The following STS variants were observed in gnomAD, a reference collection of about 807,000 sequenced individuals.
STS encodes steryl-sulfatase.
A neutral mutation model predicts 26.8 loss-of-function variants in STS; 7 were observed. The ratio of observed to expected loss-of-function variants is 0.26; its 90% CI spans 0.15 to 0.49. The LOEUF (loss-of-function observed/expected upper bound fraction) is 0.49, where lower values mean the gene tolerates loss of function less well. STS is among the 20% of genes least tolerant of loss of function. The pLI is 0.98. For missense variants in STS, 434 were observed against 465.6 expected (o/e 0.93, Z 0.63); for synonymous variants, 199 against 189.4 (o/e 1.05, Z -0.42).
intron 2 of STS, among the ~76,000 whole-genome samples, chrX:7,230,806 G>C (rs1470321574): frequency 8.9e-6 from 1 of 111,743 alleles, no homozygotes; most frequent in Non-Finnish European, 1.9e-5. Flanking sequence ...CTCAACACCT[G>C]GGGATTATAA....
chrX:7,213,989 G>A (rs925111388), intron 2 of STS, among the ~76,000 whole-genome samples: 6 of 111,193 alleles, frequency 5.4e-5, no homozygotes, highest in African/African-American at 1.3e-4. Flanking sequence ...AGGCTGAGGC[G>A]GGAGGATTGC....
rs1206807398 is a variant in STS at position 7,190,917 on chromosome X, C to G, written c.-96C>G. 1.4e-6 allele frequency: 1 copy of G among 691,328 alleles called. No individual in the cohort carries two copies. Among genetic ancestry groups the G allele is most frequent in the African/African-American group, 2.4e-5 (1 of 41,963 alleles). The allele number at this position is 691,328 out of a possible 1,213,427, so 57.0% of individuals were successfully genotyped here. A position where few individuals can be genotyped will look rare whatever the true frequency, so the allele number is the denominator to read the frequency against. Reference sequence around the variant, plus strand: ...GCCCTTGGTTTGACTCTACTAAGAGCCCCTCAGTTGCTGAACCTGCACACA... The same window carrying G: ...GCCCTTGGTTTGACTCTACTAAGAGGCCCTCAGTTGCTGAACCTGCACACA... On this transcript the variant is annotated 5_prime_UTR_variant, in exon 2 of 11. Transcript: ENST00000674429.
At chrX:7,336,515 G>A (rs765393750) in intron 10 of STS, among the ~76,000 whole-genome samples, 1 of 111,864 alleles carries the variant, frequency 8.9e-6, no homozygotes, top group South Asian at 3.7e-4. Context: ...CTCATGATAT[G>A]TTCTAGAAGA....
chrX:7,159,593 A>G, intron 1 of STS, among the ~76,000 whole-genome samples: 2 of 112,144 alleles, frequency 1.8e-5, no homozygotes, highest in South Asian at 7.3e-4. Flanking sequence ...GCACCATGCA[A>G]TGCAAAATTC....
At chrX:7,160,652 G>A (rs1331888924) in intron 1 of STS, among the ~76,000 whole-genome samples, 2 of 112,192 alleles carry the variant, frequency 1.8e-5, no homozygotes, top group Admixed American at 9.5e-5. Flanking sequence ...AGTTAGATAC[G>A]ATGTCTATGC....
chrX:7,194,125 G>A (rs1020004468), intron 2 of STS, among the ~76,000 whole-genome samples: 45 of 110,746 alleles, frequency 4.1e-4, no homozygotes, highest in African/African-American at 1.3e-3. Flanking sequence ...GGCTGGTCTC[G>A]AACTCCTGAC....
At chrX:7,231,227 C>T (rs771794113) in intron 2 of STS, among the ~76,000 whole-genome samples, 10 of 111,561 alleles carry the variant, frequency 9.0e-5, no homozygotes, top group Admixed American at 2.9e-4. Flanking sequence ...CAGGGATCTC[C>T]GTTTAGGGGT....
intron 1 of STS, among the ~76,000 whole-genome samples, chrX:7,190,079 G>A (rs908753577): frequency 1.8e-5 from 2 of 110,750 alleles, no homozygotes; most frequent in African/African-American, 6.6e-5. Context: ...ATTCAAGTGT[G>A]TCACATTTAT....
chrX:7,332,379 ATC>A (rs768957383), intron 9 of STS, among the ~76,000 whole-genome samples: 1 of 108,953 alleles, frequency 9.2e-6, no homozygotes, highest in Non-Finnish European at 1.9e-5. Flanking sequence ...CAGCAATTCC[ATC>A]TCTCATGTTC....
intron 7 of STS, among the ~76,000 whole-genome samples, chrX:7,284,311 A>G (rs2147116611): frequency 8.9e-6 from 1 of 111,755 alleles, no homozygotes; most frequent in Admixed American, 9.5e-5. Context: ...GAGGTGGTCC[A>G]TGCACACTAA....
intron 1 of STS, among the ~76,000 whole-genome samples, chrX:7,172,180 A>T (rs1424378689): frequency 6.3e-5 from 7 of 111,527 alleles, no homozygotes; most frequent in Non-Finnish European, 1.3e-4. Context: ...TGGAGTGTTG[A>T]TGATCATCAG....
chrX:7,229,099 C>G (rs1921941836), intron 2 of STS, among the ~76,000 whole-genome samples: 1 of 112,372 alleles, frequency 8.9e-6, no homozygotes, highest in Non-Finnish European at 1.9e-5. Flanking sequence ...CATTTGCATA[C>G]CTCCTGCTAT....
At chrX:7,157,006 T>C (rs1211161829) in intron 1 of STS, among the ~76,000 whole-genome samples, 2 of 111,755 alleles carry the variant, frequency 1.8e-5, no homozygotes, top group Non-Finnish European at 3.8e-5. Flanking sequence ...GGCAAATGGC[T>C]TGGAGGAGAA....
At chrX:7,310,491 A>G (rs1370724944) in intron 8 of STS, among the ~76,000 whole-genome samples, 1 of 112,201 alleles carries the variant, frequency 8.9e-6, no homozygotes, top group African/African-American at 3.2e-5. Flanking sequence ...GTGTCAAGGC[A>G]GTAGAACAGA....
intron 10 of STS, among the ~76,000 whole-genome samples, chrX:7,348,164 C>T (rs1928609384): frequency 9.0e-6 from 1 of 111,459 alleles, no homozygotes; most frequent in Non-Finnish European, 1.9e-5. Flanking sequence ...ACCTCGCTTT[C>T]CCTGTCTTTC....
At chrX:7,154,719 T>C (rs1173722691) in intron 1 of STS, among the ~76,000 whole-genome samples, 1 of 111,607 alleles carries the variant, frequency 9.0e-6, no homozygotes, top group Non-Finnish European at 1.9e-5. Context: ...CAAAATTTCT[T>C]ATGTTGTATG....
chrX:7,338,265 G>A (rs1168574024), intron 10 of STS, among the ~76,000 whole-genome samples: 1 of 111,723 alleles, frequency 9.0e-6, no homozygotes, highest in East Asian at 2.8e-4. Context: ...ATCTTAGAGG[G>A]TAGGTGGATA....
At chrX:7,307,429 G>A (rs1308631778) in intron 8 of STS, among the ~76,000 whole-genome samples, 2 of 111,363 alleles carry the variant, frequency 1.8e-5, no homozygotes, top group African/African-American at 3.3e-5. Context: ...GGAGAAAGGA[G>A]GGTGTTTATT....
At chrX:7,284,498 G>A (rs1305075263) in intron 7 of STS, among the ~76,000 whole-genome samples, 3 of 112,432 alleles carry the variant, frequency 2.7e-5, no homozygotes, top group Admixed American at 9.4e-5. Flanking sequence ...GAAATAGAAC[G>A]TGGAAGCATT....
Sources: gnomAD v4.1 joint callset for allele counts (sites outside exome capture counted in the v4.1 genomes callset) on GRCh38, gnomAD v4.1.1 for gene constraint, MANE v1.5 for transcripts, NCBI Gene and HGNC (gene_info 2026-07-23, HGNC 2026-07-21) for gene names.